APBB2: variants seen among roughly 807,000 people sequenced by gnomAD.
The protein encoded by APBB2 is Fe65-like 1.
A neutral mutation model predicts 82.5 loss-of-function variants in APBB2; 38 were observed. The observed-to-expected ratio is 0.46, with a 90% CI of 0.36 to 0.60. The LOEUF is 0.60. APBB2 is among the 20% of genes least tolerant of loss of function. The pLI is 0.00. For synonymous variants in APBB2, 341 were observed against 368.2 expected, an observed-to-expected ratio of 0.93 and a Z score of 0.85; for missense variants, 772 against 972.3, an observed-to-expected ratio of 0.79 and a Z score of 2.74.
chr4:40,960,140 T>C (rs1792691764), intron 6 of APBB2, among the ~76,000 whole-genome samples: 1 of 152,156 alleles, frequency 6.6e-6, no homozygotes, highest in Non-Finnish European at 1.5e-5. Flanking sequence ...AAAAGGATTT[T>C]AGACTATGGA....
chr4:41,135,243 C>T (rs1230932060), intron 2 of APBB2, among the ~76,000 whole-genome samples: 2 of 151,856 alleles, frequency 1.3e-5, no homozygotes, highest in Non-Finnish European at 2.9e-5. Context: ...TAAAACCTGT[C>T]CTCAAAGGGC....
rs550606439 is a variant in APBB2, at chr4:41,116,726, T to C, written c.-260-15976A>G. 3.9e-5 allele frequency among the ~76,000 whole-genome samples: 6 copies of C among 152,344 alleles called. No homozygotes were observed. In the South Asian group the frequency reaches 1.0e-3, roughly 26 times the overall value. ...CTATACAGAAAGCAAATAATGTTAA[T>C]AATTGTATAAATGAGGGGGGTTATA... On this transcript the variant is annotated intron_variant, in intron 2 of 17. Transcript: ENST00000508593.
chr4:40,939,047 C>T (rs1021694027), intron 7 of APBB2, among the ~76,000 whole-genome samples: 3 of 152,144 alleles, frequency 2.0e-5, no homozygotes, highest in African/African-American at 7.2e-5. Flanking sequence ...ATGCCCTGCA[C>T]CCACTCAGGG....
chr4:41,155,575 G>A (rs538077871), intron 1 of APBB2, among the ~76,000 whole-genome samples: 3 of 152,306 alleles, frequency 2.0e-5, no homozygotes, highest in African/African-American at 2.4e-5. Flanking sequence ...AAAGGAGGAC[G>A]AATAAGAGAG....
chr4:41,169,822 A>AG (rs886933272), intron 1 of APBB2, among the ~76,000 whole-genome samples: 4 of 150,300 alleles, frequency 2.7e-5, no homozygotes, highest in African/African-American at 7.4e-5. Context: ...AAAAACGAAT[A>AG]GGGGGGGAAA....
intron 4 of APBB2, among the ~76,000 whole-genome samples, chr4:41,034,419 G>T (rs1029387987): frequency 1.3e-5 from 2 of 152,170 alleles, no homozygotes; most frequent in Non-Finnish European, 2.9e-5. Flanking sequence ...CCACCTCCCG[G>T]GTTGAAGCTA....
chr4:40,938,143 C>G (rs1785855384), intron 7 of APBB2, among the ~76,000 whole-genome samples: 1 of 152,260 alleles, frequency 6.6e-6, no homozygotes, highest in South Asian at 2.1e-4. Flanking sequence ...AGCCTGGTAA[C>G]CCTCCAGGCA....
intron 12 of APBB2, among the ~76,000 whole-genome samples, chr4:40,837,738 T>A (rs1415773514): frequency 1.3e-5 from 2 of 152,160 alleles, no homozygotes; most frequent in Non-Finnish European, 2.9e-5. Flanking sequence ...CCTGCAGTCA[T>A]GAGAATCATT....
intron 2 of APBB2, among the ~76,000 whole-genome samples, chr4:41,118,460 C>T (rs962685311): frequency 6.6e-6 from 1 of 152,152 alleles, no homozygotes; most frequent in East Asian, 1.9e-4. Context: ...GGCTAAATTA[C>T]AGCATGCAAC....
At position 40,811,520 on chromosome 4, in the gene APBB2, C is replaced by CCAGCCTAGGCAA. The variant is rs148066166; in HGVS notation, c.*4571_*4572insTTGCCTAGGCTG. On this transcript the variant is annotated 3_prime_UTR_variant, in exon 18 of 18. Coordinates refer to ENST00000508593, the MANE Select transcript of APBB2 (RefSeq NM_004307.2). The stretch of plus-strand genomic sequence containing the variant: ...TGAGCTGAAATTACACCACTGCACT[C>CCAGCCTAGGCAA]CAGAGTAAGACTCCTCTGTCTGAAG... The CCAGCCTAGGCAA allele has an allele frequency of 1.7e-4, 25 of 149,626 alleles. No homozygotes were observed. The highest frequency in any genetic ancestry group is 3.0e-4 in the Non-Finnish European group (20 of 67,500). The allele number at this position is 149,626 out of a possible 1,614,324, so 9.3% of individuals were successfully genotyped here. A position where few individuals can be genotyped will look rare whatever the true frequency, so the allele number is the denominator to read the frequency against.
intron 16 of APBB2, 85 bp from the exon 17 acceptor site, chr4:40,822,135 A>G: frequency 6.7e-7 from 1 of 1,495,278 alleles, no homozygotes; most frequent in Non-Finnish European, 9.2e-7. Context: ...GGCATTCAGA[A>G]AGTATAGCCA....
At chr4:41,199,058 T>C (rs994183872) in intron 1 of APBB2, among the ~76,000 whole-genome samples, 1 of 152,202 alleles carries the variant, frequency 6.6e-6, no homozygotes, top group Non-Finnish European at 1.5e-5. Flanking sequence ...CCTAACCTAC[T>C]CTATCCAGTA....
intron 2 of APBB2, among the ~76,000 whole-genome samples, chr4:41,134,455 G>A (rs1250767164): frequency 6.6e-6 from 1 of 152,062 alleles, no homozygotes; most frequent in African/African-American, 2.4e-5. Flanking sequence ...ATGGTGGCGG[G>A]TGCCTGTAGT....
At chr4:41,188,381 T>G (rs1472738360) in intron 1 of APBB2, among the ~76,000 whole-genome samples, 1 of 152,194 alleles carries the variant, frequency 6.6e-6, no homozygotes, top group Non-Finnish European at 1.5e-5. Context: ...AAAATTCATG[T>G]GTTGGAATCC....
intron 5 of APBB2, among the ~76,000 whole-genome samples, chr4:41,027,278 G>A (rs2154436579): frequency 6.6e-6 from 1 of 151,570 alleles, no homozygotes; most frequent in Admixed American, 6.6e-5. Flanking sequence ...TGTCTTGGGT[G>A]TGTACTCAGG....
chr4:40,840,291 G>C (rs1344575209), intron 12 of APBB2, among the ~76,000 whole-genome samples: 3 of 152,184 alleles, frequency 2.0e-5, no homozygotes, highest in Admixed American at 1.3e-4. Flanking sequence ...CAAAAATGTG[G>C]GTTGTTGACA....
chr4:40,946,012 C>T (rs1463149607), intron 6 of APBB2, among the ~76,000 whole-genome samples: 2 of 152,280 alleles, frequency 1.3e-5, no homozygotes, highest in East Asian at 3.9e-4. Context: ...GTGGGTGGAT[C>T]ACCTGAGGTC....
rs79169229 is a variant in APBB2 at position 41,188,894 on chromosome 4, C to G, written c.-417+25511G>C. On this transcript the variant is annotated intron_variant, in intron 1 of 17. Coordinates refer to ENST00000508593, the MANE Select transcript of APBB2 (RefSeq NM_004307.2). ...TGCCACTGCACTCCAGCCTAGGTGA[C>G]AGTGAGACCCCGTCTCAATTCAAAA... Among the ~76,000 whole-genome samples the G allele has an allele frequency of 3.7e-3, 561 of 152,154 alleles. 2 individuals are homozygous for G. The highest frequency in any genetic ancestry group is 3.3e-3 in the Non-Finnish European group (225 of 68,010).
chr4:40,953,095 G>C (rs140713208), intron 6 of APBB2, among the ~76,000 whole-genome samples: 3,637 of 152,106 alleles, frequency 0.024, 147 homozygotes, highest in African/African-American at 0.082. Context: ...AGGAGTTCAA[G>C]ATCAGCCTGG....
Sources: gnomAD v4.1 joint callset for allele counts (sites outside exome capture counted in the v4.1 genomes callset) on GRCh38, gnomAD v4.1.1 for gene constraint, MANE v1.5 for transcripts, NCBI Gene and HGNC (gene_info 2026-07-23, HGNC 2026-07-21) for gene names.